SCFD2: variants seen among roughly 807,000 people sequenced by gnomAD.
SCFD2 encodes sec1 family domain containing 2.
Under a neutral mutation model 58.9 loss-of-function variants are expected in SCFD2, and 54 were observed. The ratio of observed to expected loss-of-function variants is 0.92; its 90% CI spans 0.74 to 1.15. The LOEUF (loss-of-function observed/expected upper bound fraction) is 1.15. SCFD2 is among the 50% of genes most tolerant of loss of function. The pLI is 0.00. For missense variants in SCFD2, 805 were observed against 836.6 expected, an observed-to-expected ratio of 0.96 and a Z score of 0.47; for synonymous variants, 321 against 335.9, an observed-to-expected ratio of 0.96 and a Z score of 0.49.
intron 2 of SCFD2, among the ~76,000 whole-genome samples, chr4:53,332,247 T>A (rs1319295052): frequency 6.6e-6 from 1 of 151,510 alleles, no homozygotes; most frequent in South Asian, 2.1e-4. Context: ...ACTCATTTTA[T>A]GAGGCCAGCA....
intron 5 of SCFD2, among the ~76,000 whole-genome samples, chr4:52,940,834 C>T (rs1022928824): frequency 6.6e-6 from 1 of 152,124 alleles, no homozygotes; most frequent in Non-Finnish European, 1.5e-5. Flanking sequence ...GAGTAGACAC[C>T]ACCCTGTGGG....
chr4:53,363,287 C>T (rs1734598775), intron 1 of SCFD2, among the ~76,000 whole-genome samples: 1 of 151,804 alleles, frequency 6.6e-6, no homozygotes, highest in African/African-American at 2.4e-5. Flanking sequence ...GGTCACCACA[C>T]CTGGCTAGTT....
At chr4:53,285,640 C>A (rs951232724) in intron 3 of SCFD2, among the ~76,000 whole-genome samples, 5 of 151,966 alleles carry the variant, frequency 3.3e-5, no homozygotes, top group African/African-American at 1.2e-4. Flanking sequence ...AAGTACAGTA[C>A]AGCAAGGGAG....
At chr4:53,062,563 T>G (rs1723545619) in intron 5 of SCFD2, among the ~76,000 whole-genome samples, 1 of 152,178 alleles carries the variant, frequency 6.6e-6, no homozygotes, top group Non-Finnish European at 1.5e-5. Context: ...GGCATTTTTT[T>G]GTTTAAGTAT....
intron 1 of SCFD2, among the ~76,000 whole-genome samples, chr4:53,357,534 G>A (rs1419316263): frequency 6.6e-6 from 1 of 152,126 alleles, no homozygotes. Context: ...AGCTCAATGA[G>A]GGTCAAATAG....
At chr4:52,977,130 C>T (rs746874558) in intron 5 of SCFD2, among the ~76,000 whole-genome samples, 19 of 152,102 alleles carry the variant, frequency 1.2e-4, no homozygotes, top group Non-Finnish European at 2.6e-4. Context: ...TGAACAATTG[C>T]TCCCACGGGA....
intron 3 of SCFD2, among the ~76,000 whole-genome samples, chr4:53,281,514 C>T (rs1013733782): frequency 3.3e-5 from 5 of 152,128 alleles, no homozygotes; most frequent in Admixed American, 3.3e-4. Flanking sequence ...ACAGTTGACA[C>T]AAGAGAAACA....
chr4:52,907,658 T>C, intron 6 of SCFD2, 67 bp from the exon 7 acceptor site: 2 of 1,510,424 alleles, frequency 1.3e-6, no homozygotes, highest in Non-Finnish European at 1.8e-6. Flanking sequence ...CAGCTTTATC[T>C]GCAATGAAGA....
At chr4:53,144,044 T>C (rs1277377715) in intron 5 of SCFD2, among the ~76,000 whole-genome samples, 2 of 152,200 alleles carry the variant, frequency 1.3e-5, no homozygotes, top group African/African-American at 4.8e-5. Context: ...TTAGATTTTA[T>C]GATGTTTAAT....
chr4:52,912,104 A>G (rs920468974), intron 6 of SCFD2, among the ~76,000 whole-genome samples: 5 of 151,974 alleles, frequency 3.3e-5, no homozygotes, highest in Non-Finnish European at 5.9e-5. Flanking sequence ...TAATGCTATA[A>G]TAGTAACAGA....
chr4:53,016,320 G>A (rs747638479), intron 5 of SCFD2, among the ~76,000 whole-genome samples: 7 of 152,182 alleles, frequency 4.6e-5, no homozygotes, highest in Non-Finnish European at 1.0e-4. Flanking sequence ...GTAATCTCAT[G>A]TTTGTAATAT....
rs147659157 is a variant in SCFD2, at chr4:53,092,594, C to T, written c.1561+52739G>A. 3.2e-3 allele frequency among the ~76,000 whole-genome samples: 486 copies of T among 151,964 alleles called. 2 individuals carry two copies. Among genetic ancestry groups the T allele is most frequent in the African/African-American group, 8.4e-3 (349 of 41,466 alleles). On this transcript the variant is annotated intron_variant, in intron 5 of 8. Coordinates refer to ENST00000401642, the MANE Select transcript of SCFD2 (RefSeq NM_152540.4). Reference sequence around the variant, plus strand: ...AACAAACTGTGCTACATATATACCACGGAATACTACTCAACAATATAAAGG... The same window carrying T: ...AACAAACTGTGCTACATATATACCATGGAATACTACTCAACAATATAAAGG...
rs148771524 is a variant in SCFD2 at position 53,029,264 on chromosome 4, G to A, written c.1562-108394C>T. On this transcript the variant is annotated intron_variant, in intron 5 of 8. Transcript: ENST00000401642. ...CGAAAAAAAAAATTTAAACAAAGGT[G>A]TGCAAAAATTGCTTTTCCTTAACTT... is the stretch of plus-strand genomic sequence containing the variant. 2.5e-3 allele frequency among the ~76,000 whole-genome samples: 383 copies of A among 152,212 alleles called. 4 individuals are homozygous for A. Among genetic ancestry groups the A allele is most frequent in the African/African-American group, 8.6e-3 (356 of 41,532 alleles).
chr4:53,154,078 C>T (rs1347232067), intron 4 of SCFD2, among the ~76,000 whole-genome samples: 1 of 152,204 alleles, frequency 6.6e-6, no homozygotes, highest in Non-Finnish European at 1.5e-5. Flanking sequence ...CTAAACTCTT[C>T]CAGCCTCTGC....
At chr4:53,137,426 TCTTG>T (rs766684867) in intron 5 of SCFD2, among the ~76,000 whole-genome samples, 17 of 152,244 alleles carry the variant, frequency 1.1e-4, no homozygotes, top group Non-Finnish European at 2.4e-4. Flanking sequence ...TGTCTGGACT[TCTTG>T]CTTAGAAAAA....
intron 5 of SCFD2, among the ~76,000 whole-genome samples, chr4:53,007,377 GGAAGGAAA>G (rs1721998871): frequency 9.6e-6 from 1 of 103,724 alleles, no homozygotes; most frequent in Non-Finnish European, 2.0e-5. Context: ...AAGAAGGAAA[GGAAGGAAA>G]GAAGGAAGGA....
chr4:53,298,221 C>A (rs1357866240), intron 3 of SCFD2, among the ~76,000 whole-genome samples: 3 of 152,126 alleles, frequency 2.0e-5, no homozygotes, highest in Non-Finnish European at 2.9e-5. Context: ...ACAGACGGCA[C>A]CTGGAAAATC....
chr4:52,915,456 G>A (rs1198697763), intron 6 of SCFD2, among the ~76,000 whole-genome samples: 2 of 152,126 alleles, frequency 1.3e-5, no homozygotes, highest in Non-Finnish European at 2.9e-5. Flanking sequence ...AATTGCTCAT[G>A]GCTTTGACTA....
intron 5 of SCFD2, among the ~76,000 whole-genome samples, chr4:53,123,865 C>A (rs1725552309): frequency 6.6e-6 from 1 of 152,156 alleles, no homozygotes; most frequent in Non-Finnish European, 1.5e-5. Context: ...TAGGGTAGGA[C>A]CTGTAAGCTG....
Sources: gnomAD v4.1 joint callset for allele counts (sites outside exome capture counted in the v4.1 genomes callset) on GRCh38, gnomAD v4.1.1 for gene constraint, MANE v1.5 for transcripts, NCBI Gene and HGNC (gene_info 2026-07-23, HGNC 2026-07-21) for gene names.